Variants in ADAMTS3 observed in about 807,000 individuals in gnomAD.
ADAMTS3 encodes ADAM metallopeptidase with thrombospondin type 1 motif 3.
Under a neutral mutation model 129.0 loss-of-function variants are expected in ADAMTS3, and 73 were observed. That is an observed-to-expected ratio of 0.57 (90% confidence interval 0.47 to 0.69). The LOEUF is 0.69. Among genes scored for constraint, ADAMTS3 ranks in the 30% least tolerant of loss-of-function variants. The pLI is 0.00. For missense variants in ADAMTS3, 1,457 were observed against 1,514.5 expected (o/e 0.96, Z 0.63); for synonymous variants, 477 against 510.8 (o/e 0.93, Z 0.89).
At chr4:72,499,847 G>A (rs901757336) in intron 3 of ADAMTS3, among the ~76,000 whole-genome samples, 2 of 151,954 alleles carry the variant, frequency 1.3e-5, no homozygotes, top group African/African-American at 4.8e-5. Flanking sequence ...CTATTGTTGA[G>A]GTCACCCTTA....
chr4:72,458,250 T>C (rs1718676053), intron 3 of ADAMTS3, among the ~76,000 whole-genome samples: 1 of 151,594 alleles, frequency 6.6e-6, no homozygotes, highest in Non-Finnish European at 1.5e-5. Flanking sequence ...AATAGTAAGT[T>C]CATAGCAGCC....
chr4:72,437,501 A>G (rs908052975), intron 3 of ADAMTS3, among the ~76,000 whole-genome samples: 2 of 151,740 alleles, frequency 1.3e-5, no homozygotes, highest in African/African-American at 4.8e-5. Context: ...TGATACTAGG[A>G]ATTGTATAGC....
At position 72,569,002 on chromosome 4, in the gene ADAMTS3, G is replaced by A; in HGVS notation, c.-240C>T. 5.3e-6 allele frequency: 3 copies of A among 567,976 alleles called. No individual in the cohort carries two copies. Among genetic ancestry groups the A allele is most frequent in the Non-Finnish European group, 3.1e-6 (1 of 318,572 alleles). 35.2% of individuals were successfully genotyped at this position (567,976 alleles called of 1,614,324 possible). A position where few individuals can be genotyped will look rare whatever the true frequency, so the allele number is the denominator to read the frequency against. On this transcript the variant is annotated 5_prime_UTR_variant, in exon 1 of 22. Coordinates refer to ENST00000286657, the MANE Select transcript of ADAMTS3 (RefSeq NM_014243.3). The stretch of plus-strand genomic sequence containing the variant: ...TCACCCCGTCCTCCCAACACAGAGT[G>A]TGCAGGAGCGAGAAGGTGCTGTAAG...
At chr4:72,315,617 T>C (rs1320319108) in intron 11 of ADAMTS3, among the ~76,000 whole-genome samples, 1 of 152,208 alleles carries the variant, frequency 6.6e-6, no homozygotes, top group Non-Finnish European at 1.5e-5. Context: ...TTTTGACTTC[T>C]GGCCTCTAGA....
At chr4:72,556,775 A>C (rs1347607766) in intron 2 of ADAMTS3, among the ~76,000 whole-genome samples, 1 of 151,642 alleles carries the variant, frequency 6.6e-6, no homozygotes, top group Non-Finnish European at 1.5e-5. Context: ...GAAGTGAAGT[A>C]TACAAAGGAC....
At chr4:72,487,571 T>G (rs1448155375) in intron 3 of ADAMTS3, among the ~76,000 whole-genome samples, 2 of 152,110 alleles carry the variant, frequency 1.3e-5, no homozygotes, top group Non-Finnish European at 2.9e-5. Context: ...TACCTTTGGT[T>G]CCAGATTTAC....
intron 3 of ADAMTS3, among the ~76,000 whole-genome samples, chr4:72,535,351 A>G (rs1721158407): frequency 6.6e-6 from 1 of 152,116 alleles, no homozygotes; most frequent in Admixed American, 6.6e-5. Context: ...CTCATTAACT[A>G]CTGTTCTTCA....
At chr4:72,294,680 T>C (rs1718761070) in intron 19 of ADAMTS3, among the ~76,000 whole-genome samples, 1 of 151,980 alleles carries the variant, frequency 6.6e-6, no homozygotes, top group African/African-American at 2.4e-5. Flanking sequence ...AGGAACAAAA[T>C]GACGGTCCTA....
intron 4 of ADAMTS3, among the ~76,000 whole-genome samples, chr4:72,392,365 A>T (rs193033197): frequency 2.0e-5 from 3 of 152,220 alleles, no homozygotes; most frequent in African/African-American, 7.2e-5. Context: ...TATTTTCTCC[A>T]TGTATAGCCT....
intron 4 of ADAMTS3, among the ~76,000 whole-genome samples, chr4:72,412,277 A>G (rs1465251448): frequency 2.6e-5 from 4 of 152,096 alleles, no homozygotes; most frequent in Non-Finnish European, 4.4e-5. Context: ...TATGTTTCCT[A>G]AAATAAAATC....
intron 4 of ADAMTS3, among the ~76,000 whole-genome samples, chr4:72,390,201 T>C (rs904498965): frequency 6.6e-6 from 1 of 152,192 alleles, no homozygotes; most frequent in Non-Finnish European, 1.5e-5. Flanking sequence ...AACCCTATAG[T>C]ACTAATTTGA....
intron 4 of ADAMTS3, among the ~76,000 whole-genome samples, chr4:72,372,537 T>C (rs969630035): frequency 6.6e-6 from 1 of 152,006 alleles, no homozygotes; most frequent in Non-Finnish European, 1.5e-5. Context: ...GTACTAAATA[T>C]ATTAAGTAAT....
Position 72,455,937 on chromosome 4 carries a change from TAGTATATATAC to T in ADAMTS3, c.505-40977_505-40967del, listed in dbSNP as rs1365577854. On this transcript the variant is annotated intron_variant, in intron 3 of 21. Coordinates refer to ENST00000286657, the MANE Select transcript of ADAMTS3 (RefSeq NM_014243.3). ...ATATATACTATATATATTTTATATATAGTATATATACAGTATATATACTATATATATTTTAC... is the reference window on the plus strand; with the variant it reads ...ATATATACTATATATATTTTATATATAGTATATATACTATATATATTTTAC... Among the ~76,000 whole-genome samples the T allele has an allele frequency of 6.7e-4, 73 of 109,748 alleles. 4 individuals are homozygous for T. The highest frequency in any genetic ancestry group is 2.7e-3 in the African/African-American group (73 of 27,428). 72.0% of individuals were successfully genotyped at this position (109,748 alleles called of 152,430 possible).
At chr4:72,520,492 A>C (rs886522702) in intron 3 of ADAMTS3, among the ~76,000 whole-genome samples, 111 of 152,118 alleles carry the variant, frequency 7.3e-4, no homozygotes, top group Non-Finnish European at 1.1e-3. Context: ...GGTGGGCTCC[A>C]CCCAGTTGGA....
chr4:72,470,497 TACAC>T (rs1482402160), intron 3 of ADAMTS3, among the ~76,000 whole-genome samples: 2 of 150,980 alleles, frequency 1.3e-5, no homozygotes, highest in African/African-American at 2.4e-5. Flanking sequence ...ACACATATAA[TACAC>T]ACACATTCTT....
intron 2 of ADAMTS3, among the ~76,000 whole-genome samples, chr4:72,565,077 A>G (rs1332110291): frequency 1.3e-5 from 2 of 152,196 alleles, no homozygotes; most frequent in South Asian, 2.1e-4. Flanking sequence ...AAAAATCAGC[A>G]AAGTACACTT....
chr4:72,323,416 C>T lies in ADAMTS3; in HGVS notation c.862-319G>A, dbSNP rs1719617008. Among the ~76,000 whole-genome samples the T allele has an allele frequency of 2.6e-5, 4 of 152,312 alleles. No individual in the cohort carries two copies. The South Asian group carries it at 8.3e-4, about 32-fold the overall frequency. On this transcript the variant is annotated intron_variant, in intron 5 of 21. Coordinates refer to ENST00000286657, the MANE Select transcript of ADAMTS3 (RefSeq NM_014243.3). Reference sequence around the variant, plus strand: ...ATATAACATTAGCCAAAAGCAACCACAGGAGGGTAACTTTGGCAAATCATC... The same window carrying T: ...ATATAACATTAGCCAAAAGCAACCATAGGAGGGTAACTTTGGCAAATCATC...
chr4:72,309,596 C>T (rs1719177704), intron 14 of ADAMTS3, 76 bp from the exon 15 acceptor site: 3 of 1,538,802 alleles, frequency 1.9e-6, no homozygotes, highest in Admixed American at 3.4e-5. Context: ...AATGATGAAC[C>T]CTTTGTTCAG....
chr4:72,309,550 ATTTTAG>A (rs768387693), intron 14 of ADAMTS3, 30 bp from the exon 15 acceptor site: 2 of 1,609,176 alleles, frequency 1.2e-6, no homozygotes, highest in Admixed American at 3.3e-5. Flanking sequence ...AATGTGGCTA[ATTTTAG>A]TGTGCCCAGT....
Sources: allele counts gnomAD v4.1 joint callset (sites outside exome capture counted in the v4.1 genomes callset), GRCh38; gene constraint gnomAD v4.1.1; transcripts MANE v1.5; gene names NCBI Gene and HGNC (gene_info 2026-07-23, HGNC 2026-07-21).